The following TAFA2 variants were observed in gnomAD, a reference collection of about 807,000 sequenced individuals.
TAFA2 encodes the protein TAFA chemokine like family member 2.
TAFA2 carries 7 observed loss-of-function variants against 18.8 expected under a neutral mutation model. The ratio of observed to expected loss-of-function variants is 0.37; its 90% CI spans 0.21 to 0.70. The LOEUF is 0.70. TAFA2 is among the 30% of genes least tolerant of loss of function. The probability of loss-of-function intolerance (pLI) is 0.53; values close to 1 mark genes in which losing one functional copy is unlikely to be tolerated. For synonymous variants in TAFA2, 60 were observed against 54.2 expected, an observed-to-expected ratio of 1.11 and a Z score of -0.47; for missense variants, 122 against 158.1, an observed-to-expected ratio of 0.77 and a Z score of 1.23.
chr12:61,979,662 A>G (rs1339682490), intron 1 of TAFA2, among the ~76,000 whole-genome samples: 1 of 152,090 alleles, frequency 6.6e-6, no homozygotes, highest in Non-Finnish European at 1.5e-5. Context: ...GGAGGAAATT[A>G]AGAAAAGAAA....
intron 1 of TAFA2, among the ~76,000 whole-genome samples, chr12:62,150,100 G>T (rs1414016479): frequency 1.3e-5 from 2 of 152,168 alleles, no homozygotes; most frequent in Non-Finnish European, 2.9e-5. Context: ...CAGATGCTGT[G>T]TTTTTTGACC....
At chr12:61,858,701 G>A (rs530606228) in intron 2 of TAFA2, among the ~76,000 whole-genome samples, 2 of 151,060 alleles carry the variant, frequency 1.3e-5, no homozygotes, top group South Asian at 4.2e-4. Context: ...AAAAAAAAAA[G>A]CTGTAAAATT....
chr12:61,896,876 A>G (rs1298461132), intron 1 of TAFA2, among the ~76,000 whole-genome samples: 3 of 152,162 alleles, frequency 2.0e-5, no homozygotes, highest in Non-Finnish European at 4.4e-5. Flanking sequence ...TTTGCCTGCC[A>G]TCAAGCTATT....
chr12:62,024,823 A>G (rs974728112), intron 1 of TAFA2, among the ~76,000 whole-genome samples: 1 of 152,194 alleles, frequency 6.6e-6, no homozygotes, highest in African/African-American at 2.4e-5. Flanking sequence ...ACTTCTCAAA[A>G]GAAGACATTC....
chr12:61,744,768 C>T (rs1426180778), intron 4 of TAFA2, among the ~76,000 whole-genome samples: 1 of 151,924 alleles, frequency 6.6e-6, no homozygotes, highest in Non-Finnish European at 1.5e-5. Flanking sequence ...CCATGTTGGT[C>T]TTTAACTCTT....
intron 2 of TAFA2, among the ~76,000 whole-genome samples, chr12:61,757,178 T>C (rs1869311745): frequency 6.6e-6 from 1 of 151,618 alleles, no homozygotes; most frequent in Non-Finnish European, 1.5e-5. Context: ...GGTGTAGGAG[T>C]CTCTGTGATC....
chr12:62,015,075 G>C (rs919969068), intron 1 of TAFA2, among the ~76,000 whole-genome samples: 6 of 152,192 alleles, frequency 3.9e-5, no homozygotes, highest in African/African-American at 1.4e-4. Context: ...TGAGAAAACA[G>C]CTATTCACAA....
chr12:61,789,138 T>A (rs1401757663), intron 2 of TAFA2, among the ~76,000 whole-genome samples: 1 of 151,872 alleles, frequency 6.6e-6, no homozygotes, highest in Non-Finnish European at 1.5e-5. Context: ...CAGAAGCTCT[T>A]TAGTTTAGTT....
At chr12:62,098,667 G>C (rs1869053442) in intron 1 of TAFA2, among the ~76,000 whole-genome samples, 1 of 152,076 alleles carries the variant, frequency 6.6e-6, no homozygotes, top group Admixed American at 6.6e-5. Context: ...AGCTTGAGTT[G>C]GAAGTCTACG....
intron 1 of TAFA2, among the ~76,000 whole-genome samples, chr12:61,994,669 A>G (rs187216386): frequency 2.6e-5 from 4 of 152,242 alleles, no homozygotes; most frequent in African/African-American, 7.2e-5. Flanking sequence ...CATCTTTTCA[A>G]GTTTAATGGA....
At chr12:61,780,808 A>G (rs1273004472) in intron 2 of TAFA2, among the ~76,000 whole-genome samples, 1 of 151,726 alleles carries the variant, frequency 6.6e-6, no homozygotes, top group Non-Finnish European at 1.5e-5. Context: ...TCTCTCCTCT[A>G]TGGCAATAGT....
intron 4 of TAFA2, among the ~76,000 whole-genome samples, chr12:61,736,552 T>A (rs1427506293): frequency 6.6e-6 from 1 of 152,038 alleles, no homozygotes; most frequent in Non-Finnish European, 1.5e-5. Flanking sequence ...CTTTCTAAAC[T>A]TGCTTTCATC....
chr12:62,203,508 A>C (rs2062680088), intron 1 of TAFA2, among the ~76,000 whole-genome samples: 2 of 152,222 alleles, frequency 1.3e-5, no homozygotes, highest in Admixed American at 1.3e-4. Context: ...TTGTTTTATG[A>C]ATCTGGGTCC....
intron 1 of TAFA2, among the ~76,000 whole-genome samples, chr12:62,006,847 G>C (rs2136707366): frequency 6.6e-6 from 1 of 152,274 alleles, no homozygotes; most frequent in South Asian, 2.1e-4. Context: ...AAAAAAGGGA[G>C]ACAGATCCCT....
chr12:61,795,280 C>T (rs538221889), intron 2 of TAFA2, among the ~76,000 whole-genome samples: 15 of 152,210 alleles, frequency 9.9e-5, no homozygotes, highest in South Asian at 6.2e-4. Context: ...CACATGCACA[C>T]GTATGTTTAT....
chr12:61,894,494 C>T (rs2121302795), intron 1 of TAFA2, among the ~76,000 whole-genome samples: 1 of 152,278 alleles, frequency 6.6e-6, no homozygotes, highest in Non-Finnish European at 1.5e-5. Flanking sequence ...AGAGACAGTG[C>T]TACATTTGGG....
At chr12:62,153,199 T>A (rs1406718343) in intron 1 of TAFA2, among the ~76,000 whole-genome samples, 1 of 152,178 alleles carries the variant, frequency 6.6e-6, no homozygotes, top group Non-Finnish European at 1.5e-5. Flanking sequence ...AATGGATTTA[T>A]CTGCTACCCA....
Position 61,783,787 on chromosome 12 carries a change from C to T in TAFA2, c.107-28763G>A, listed in dbSNP as rs183647212. 9.1e-4 allele frequency among the ~76,000 whole-genome samples: 138 copies of T among 151,650 alleles called. 1 individual carries two copies. The highest frequency in any genetic ancestry group is 3.4e-3 in the Middle Eastern group (1 of 294). ...CAACTCTACTGCAAACTATAGAAGT[C>T]AGTGTCCTATATTGATATTTCTTGA... On this transcript the variant is annotated intron_variant, in intron 2 of 4. Transcript: ENST00000416284.
chr12:61,928,101 C>A (rs757675232), intron 1 of TAFA2, among the ~76,000 whole-genome samples: 47 of 152,200 alleles, frequency 3.1e-4, no homozygotes, highest in African/African-American at 1.1e-3. Flanking sequence ...ATAGGCATGG[C>A]CAAAGACTTC....
Sources: allele counts gnomAD v4.1 joint callset (sites outside exome capture counted in the v4.1 genomes callset), GRCh38; gene constraint gnomAD v4.1.1; transcripts MANE v1.5; gene names NCBI Gene and HGNC (gene_info 2026-07-23, HGNC 2026-07-21).